Variants in MALT1 observed in about 807,000 individuals in gnomAD.
The protein encoded by MALT1 is mucosa-associated lymphoid tissue lymphoma translocation protein 1.
A neutral mutation model predicts 85.5 loss-of-function variants in MALT1; 36 were observed. That is an observed-to-expected ratio of 0.42 (90% CI 0.32 to 0.56). MALT1 has a LOEUF of 0.56. MALT1 is among the 20% of genes least tolerant of loss of function. The probability of loss-of-function intolerance (pLI) is 0.10; values close to 1 mark genes in which losing one functional copy is unlikely to be tolerated. For synonymous variants in MALT1, 359 were observed against 361.3 expected (o/e 0.99, Z 0.07); for missense variants, 716 against 981.6 (o/e 0.73, Z 3.62).
intron 2 of MALT1, chr18:58,690,944 G>A: frequency 3.8e-6 from 1 of 261,926 alleles, no homozygotes; most frequent in Non-Finnish European, 7.6e-6. Context: ...TCTGGTCATT[G>A]TGGACAGTCT....
intron 2 of MALT1, among the ~76,000 whole-genome samples, chr18:58,693,899 T>C (rs1255310392): frequency 6.6e-6 from 1 of 152,252 alleles, no homozygotes; most frequent in African/African-American, 2.4e-5. Flanking sequence ...TTTGTCATTG[T>C]TGCAACTTTT....
At chr18:58,679,736 A>G (rs2054292781) in intron 1 of MALT1, among the ~76,000 whole-genome samples, 1 of 152,000 alleles carries the variant, frequency 6.6e-6, no homozygotes, top group African/African-American at 2.4e-5. Flanking sequence ...TTTAGTAGAG[A>G]TGGGGCTTCA....
At chr18:58,730,768 A>G (rs1568149750) in intron 10 of MALT1, among the ~76,000 whole-genome samples, 1 of 152,212 alleles carries the variant, frequency 6.6e-6, no homozygotes, top group South Asian at 2.1e-4. Context: ...GAGGGTTCCA[A>G]TTTCTCTGCA....
rs780283850 is a variant in MALT1, at chr18:58,747,501, A to G, written c.2134A>G (p.Ile712Val). ...GGAAGTGAATGTTGGGAAACCTCTC[A>G]TTGCTAAATTAGACATGCATCGAGG... ...KQEVNVGKPL[I>V]AKLDMHRGLG... The change falls in exon 17 of 17, where the codon ATT becomes GTT. Residue 712 changes from isoleucine to valine, a missense_variant. Coordinates refer to ENST00000649217, the MANE Select transcript of MALT1 (RefSeq NM_006785.4). The G allele has an allele frequency of 1.1e-5, 17 of 1,613,874 alleles. No homozygotes were observed. Among genetic ancestry groups the G allele is most frequent in the Non-Finnish European group, 1.4e-5 (16 of 1,179,838 alleles).
At chr18:58,741,654 G>C (rs571938030) in intron 13 of MALT1, 3 of 356,940 alleles carry the variant, frequency 8.4e-6, no homozygotes, top group East Asian at 8.1e-5. Flanking sequence ...TAAAACATTG[G>C]CATATACTAT....
intron 10 of MALT1, among the ~76,000 whole-genome samples, chr18:58,723,636 T>C (rs1011781176): frequency 1.3e-4 from 20 of 152,202 alleles, no homozygotes; most frequent in Admixed American, 1.3e-4. Context: ...AAGGTTCTAG[T>C]AGAATGTATA....
chr18:58,737,036 T>C (rs532978834), intron 13 of MALT1, among the ~76,000 whole-genome samples: 3 of 152,312 alleles, frequency 2.0e-5, no homozygotes, highest in African/African-American at 4.8e-5. Flanking sequence ...TCTTCCAGAT[T>C]ACTTAATTGA....
At chr18:58,745,156 C>T (rs948402379) in intron 15 of MALT1, among the ~76,000 whole-genome samples, 1 of 152,214 alleles carries the variant, frequency 6.6e-6, no homozygotes, top group African/African-American at 2.4e-5. Flanking sequence ...AGATAGGCTT[C>T]CTGAGGTACT....
intron 2 of MALT1, among the ~76,000 whole-genome samples, chr18:58,694,096 A>G (rs1261174755): frequency 6.6e-6 from 1 of 152,172 alleles, no homozygotes; most frequent in East Asian, 1.9e-4. Flanking sequence ...GATTTCAGAA[A>G]AATTCTGAAC....
intron 10 of MALT1, among the ~76,000 whole-genome samples, chr18:58,732,788 A>T (rs2144458194): frequency 7.4e-6 from 1 of 135,612 alleles, no homozygotes; most frequent in East Asian, 2.5e-4. Context: ...TCATAACATA[A>T]AATTGTATTT....
In MALT1 at chr18:58,704,953, C is replaced by T. The variant is rs1460859757; in HGVS notation, c.649+4362C>T. Among the ~76,000 whole-genome samples the T allele has an allele frequency of 2.7e-5, 4 of 150,938 alleles. No homozygotes were observed. In the East Asian group the frequency reaches 5.9e-4, roughly 22 times the overall value. On this transcript the variant is annotated intron_variant, in intron 4 of 16. Coordinates refer to ENST00000649217, the MANE Select transcript of MALT1 (RefSeq NM_006785.4). ...TGTTTAAGTCTGACATCTTGATGTT[C>T]GTTTTCAGTTAGTCTCATCTGTTCT... is the stretch of plus-strand genomic sequence containing the variant.
At chr18:58,688,427 C>T (rs1195587872) in intron 2 of MALT1, among the ~76,000 whole-genome samples, 1 of 148,670 alleles carries the variant, frequency 6.7e-6, no homozygotes, top group Non-Finnish European at 1.5e-5. Context: ...GTGGCTCACA[C>T]GTGTAATCCC....
chr18:58,709,937 TAGA>T (rs749099379), intron 5 of MALT1, 36 bp from the exon 6 acceptor site: 19 of 1,268,858 alleles, frequency 1.5e-5, no homozygotes, highest in Non-Finnish European at 1.9e-5. Flanking sequence ...GCCATTAAAA[TAGA>T]AGAGGAAGCA....
intron 1 of MALT1, among the ~76,000 whole-genome samples, chr18:58,673,285 A>G (rs1164543375): frequency 2.0e-5 from 3 of 152,246 alleles, no homozygotes; most frequent in Non-Finnish European, 4.4e-5. Flanking sequence ...TTTATCCAGG[A>G]ATGGACTATT....
chr18:58,736,146 AGAAG>A (rs2055218543), intron 13 of MALT1, among the ~76,000 whole-genome samples: 1 of 152,144 alleles, frequency 6.6e-6, no homozygotes, highest in South Asian at 2.1e-4. Context: ...AAAATAAAAA[AGAAG>A]AAATTATTTT....
At chr18:58,693,369 C>A (rs780962701) in intron 2 of MALT1, among the ~76,000 whole-genome samples, 9 of 152,102 alleles carry the variant, frequency 5.9e-5, no homozygotes, top group Non-Finnish European at 1.2e-4. Context: ...TTGCAGTGAG[C>A]GAGATCATGA....
At chr18:58,673,536 C>T (rs944840281) in intron 1 of MALT1, among the ~76,000 whole-genome samples, 1 of 152,054 alleles carries the variant, frequency 6.6e-6, no homozygotes, top group African/African-American at 2.4e-5. Flanking sequence ...CTCACTACAA[C>T]CTCCGCCTCC....
intron 10 of MALT1, among the ~76,000 whole-genome samples, chr18:58,728,245 C>T (rs2055092505): frequency 6.6e-6 from 1 of 152,118 alleles, no homozygotes; most frequent in African/African-American, 2.4e-5. Flanking sequence ...TCTTCTCTAT[C>T]CTTGAGTAAT....
chr18:58,725,144 T>C (rs1409414539), intron 10 of MALT1, among the ~76,000 whole-genome samples: 6 of 138,000 alleles, frequency 4.3e-5, no homozygotes, highest in East Asian at 2.1e-4. Flanking sequence ...AAAAAAAAAA[T>C]AGAATAAAAT....
Sources: allele counts gnomAD v4.1 joint callset (sites outside exome capture counted in the v4.1 genomes callset), GRCh38; gene constraint gnomAD v4.1.1; transcripts MANE v1.5; gene names NCBI Gene and HGNC (gene_info 2026-07-23, HGNC 2026-07-21).